The following RNF135 variants were observed in gnomAD, a reference collection of about 807,000 sequenced individuals.
RNF135 encodes ring finger protein 135.
RNF135 carries 46 observed loss-of-function variants against 41.9 expected under a neutral mutation model. That is an observed-to-expected ratio of 1.10 (90% CI 0.87 to 1.40). The LOEUF is 1.40. Among genes scored for constraint, RNF135 ranks in the 40% most tolerant of loss-of-function variants. RNF135 has a pLI of 0.00. For synonymous variants in RNF135, 238 were observed against 223.8 expected (o/e 1.06, Z -0.57); for missense variants, 539 against 549.8 (o/e 0.98, Z 0.20).
chr17:30,977,979 T>C (rs887720177), intron 1 of RNF135, among the ~76,000 whole-genome samples: 6 of 152,232 alleles, frequency 3.9e-5, no homozygotes, highest in African/African-American at 9.6e-5. Context: ...TTCTCCTTCA[T>C]GTTTCAAAGC....
intron 1 of RNF135, among the ~76,000 whole-genome samples, chr17:30,974,150 G>C (rs1302985922): frequency 1.3e-5 from 2 of 152,202 alleles, no homozygotes; most frequent in Non-Finnish European, 2.9e-5. Context: ...GTTGCAGTGA[G>C]CCGTGATTGT....
At chr17:30,975,298 G>A in intron 1 of RNF135, 1 of 614,894 alleles carries the variant, frequency 1.6e-6, no homozygotes, top group Admixed American at 2.5e-5. Flanking sequence ...ACTCCAGCCT[G>A]GGCAACAGAG....
upstream of RNF135, among the ~76,000 whole-genome samples, chr17:30,969,732 TTTTTCTTTC>T (rs1451616736): frequency 3.4e-4 from 52 of 151,842 alleles, no homozygotes; most frequent in African/African-American, 6.8e-4. Flanking sequence ...CAAACGCTTT[TTTTTCTTTC>T]TTTTCTTTCT....
At chr17:30,983,334 TATATATA>T (rs1567743117) in intron 1 of RNF135, among the ~76,000 whole-genome samples, 30 of 29,418 alleles carry the variant, frequency 1.0e-3, no homozygotes, top group African/African-American at 1.6e-3. Flanking sequence ...TATATATATA[TATATATA>T]TATATATATA....
chr17:30,978,263 A>G (rs1050566365), intron 1 of RNF135, among the ~76,000 whole-genome samples: 3 of 152,114 alleles, frequency 2.0e-5, no homozygotes, highest in African/African-American at 7.2e-5. Context: ...GTATGTAGAT[A>G]TTGATGTCTT....
upstream of RNF135, chr17:30,970,861 T>G: frequency 1.5e-6 from 1 of 674,364 alleles, no homozygotes; most frequent in Non-Finnish European, 2.4e-6. Context: ...AGGCCGCCAC[T>G]GAAGGTCAGC....
chr17:30,968,985 C>T (rs1217114204), upstream of RNF135: 1 of 152,302 alleles, frequency 6.6e-6, no homozygotes, highest in Non-Finnish European at 1.5e-5. Flanking sequence ...ATTACAGCCT[C>T]CACCTCCCTG....
intron 1 of RNF135, chr17:30,978,551 C>T (rs8073226): frequency 0.21 from 31,400 of 151,978 alleles, 10,262 homozygotes; most frequent in African/African-American, 0.7. Flanking sequence ...CAGATGCATT[C>T]TTCGATTCCA....
intron 1 of RNF135, chr17:30,975,872 T>C (rs1183109227): frequency 2.8e-6 from 2 of 704,032 alleles, no homozygotes; most frequent in Non-Finnish European, 5.0e-6. Flanking sequence ...CGTATATGGC[T>C]TCTACCCCAT....
chr17:30,987,902 A>C, intron 2 of RNF135, 42 bp from the exon 3 acceptor site: 1 of 1,544,542 alleles, frequency 6.5e-7, no homozygotes, highest in Non-Finnish European at 9.0e-7. Context: ...TAGACTGCAT[A>C]GGGGACTTCC....
chr17:30,998,527 G>A, intron 4 of RNF135, 135 bp from the exon 5 acceptor site: 1 of 835,612 alleles, frequency 1.2e-6, no homozygotes, highest in Non-Finnish European at 2.0e-6. Flanking sequence ...CCTGTTGGGT[G>A]ATGTAGCAAT....
chr17:30,986,284 C>A (rs1462954373), intron 2 of RNF135, among the ~76,000 whole-genome samples: 1 of 151,852 alleles, frequency 6.6e-6, no homozygotes, highest in Non-Finnish European at 1.5e-5. Context: ...GCAACCTCCG[C>A]CTCCTAGGTT....
intron 1 of RNF135, among the ~76,000 whole-genome samples, chr17:30,980,575 T>G (rs1907042584): frequency 1.7e-5 from 2 of 119,476 alleles, no homozygotes; most frequent in African/African-American, 3.2e-5. Context: ...ACGGGGTGGT[T>G]GCCGGACGGA....
intron 3 of RNF135, among the ~76,000 whole-genome samples, chr17:30,988,750 T>G (rs1039778506): frequency 2.0e-5 from 3 of 148,224 alleles, no homozygotes; most frequent in Admixed American, 6.7e-5. Flanking sequence ...AGTAAATGTC[T>G]TCTTCTTTTT....
intron 1 of RNF135, among the ~76,000 whole-genome samples, chr17:30,980,458 A>C (rs1342926777): frequency 2.1e-4 from 21 of 99,720 alleles, no homozygotes; most frequent in South Asian, 3.5e-4. Context: ...CGGGCAGAGG[A>C]GCCCCTCACC....
chr17:30,987,915 T>C, intron 2 of RNF135, 29 bp from the exon 3 acceptor site: 1 of 1,601,502 alleles, frequency 6.2e-7, no homozygotes, highest in African/African-American at 1.3e-5. Flanking sequence ...GGACTTCCAT[T>C]TATTCAGTTT....
chr17:30,988,251 G>C (rs1365632234), intron 3 of RNF135, 145 bp downstream of exon 3: 3 of 798,894 alleles, frequency 3.8e-6, no homozygotes, highest in Non-Finnish European at 6.2e-6. Flanking sequence ...GTAGGGGTGG[G>C]CTGAAGTGAT....
intron 3 of RNF135, among the ~76,000 whole-genome samples, chr17:30,992,279 G>T (rs1395113141): frequency 6.6e-6 from 1 of 151,986 alleles, no homozygotes; most frequent in Non-Finnish European, 1.5e-5. Flanking sequence ...TTTTGCCCAG[G>T]CTGGTCTCAA....
At chr17:30,965,508 CTGAGTA>C in the RNF135 span, 12 of 152,284 alleles carry the variant, frequency 7.9e-5, no homozygotes, top group Admixed American at 2.0e-4. Context: ...CCAGTCCTTT[CTGAGTA>C]TATCAGTAAA....
Sources: allele counts gnomAD v4.1 joint callset (sites outside exome capture counted in the v4.1 genomes callset), GRCh38; gene constraint gnomAD v4.1.1; transcripts MANE v1.5; gene names NCBI Gene and HGNC (gene_info 2026-07-23, HGNC 2026-07-21).